The following BACH2 variants were observed in gnomAD, a reference collection of about 807,000 sequenced individuals.
BACH2 encodes transcription regulator protein BACH2.
A neutral mutation model predicts 61.8 loss-of-function variants in BACH2; 5 were observed. The observed-to-expected ratio is 0.08, with a 90% CI of 0.04 to 0.17. BACH2 has a LOEUF of 0.17. Ranked by LOEUF, BACH2 falls within the 10% of genes least tolerant of loss-of-function variation. The probability of loss-of-function intolerance (pLI) is 1.00; values close to 1 mark genes in which losing one functional copy is unlikely to be tolerated. For missense variants in BACH2, 824 were observed against 1,091.1 expected (o/e 0.76, Z 3.45); for synonymous variants, 446 against 440.1 (o/e 1.01, Z -0.17).
At chr6:90,124,281 C>G (rs775130721) in intron 4 of BACH2, among the ~76,000 whole-genome samples, 5 of 152,176 alleles carry the variant, frequency 3.3e-5, no homozygotes, top group Non-Finnish European at 7.3e-5. Context: ...AAGCTTGATA[C>G]AGATGCATTA....
intron 4 of BACH2, among the ~76,000 whole-genome samples, chr6:90,190,362 G>A (rs1458926733): frequency 6.6e-6 from 1 of 152,174 alleles, no homozygotes; most frequent in Non-Finnish European, 1.5e-5. Flanking sequence ...ATTCAGGCCT[G>A]AAAAAATGTT....
chr6:90,287,752 T>C (rs764418677), intron 1 of BACH2, among the ~76,000 whole-genome samples: 6 of 152,244 alleles, frequency 3.9e-5, no homozygotes, highest in Non-Finnish European at 7.3e-5. Context: ...CGAAATTCTA[T>C]TGTTTTTATC....
rs114539363 is a variant in BACH2, at chr6:90,170,814, A to C, written c.-162+35755T>G. 7.6e-3 allele frequency among the ~76,000 whole-genome samples: 1,160 copies of C among 152,312 alleles called. 19 individuals carry two copies. Among genetic ancestry groups the C allele is most frequent in the African/African-American group, 0.026 (1,091 of 41,564 alleles). On this transcript the variant is annotated intron_variant, in intron 4 of 8. Transcript: ENST00000257749. ...ATGCCTAAAAATGCTGAGTACTAAAAATATTTTTAAAGATATGGCTAAGCA... is the reference window on the plus strand; with the variant it reads ...ATGCCTAAAAATGCTGAGTACTAAACATATTTTTAAAGATATGGCTAAGCA...
Position 89,930,228 on chromosome 6 carries a change from CTTTTTTTTTTTT to C in BACH2, c.*2168_*2179del, listed in dbSNP as rs397885211. ...AGTGGAACTGTTTAAAAAGAAAAGC[CTTTTTTTTTTTT>C]TTTTTTTTTTTTTTATCCTACTGCA... On this transcript the variant is annotated 3_prime_UTR_variant, in exon 9 of 9. Transcript: ENST00000257749. 1.7e-4 allele frequency: 9 copies of C among 53,426 alleles called. No homozygotes were observed. Among genetic ancestry groups the C allele is most frequent in the South Asian group, 1.6e-3 (2 of 1,266 alleles). The allele number at this position is 53,426 out of a possible 1,614,324, so 3.3% of individuals were successfully genotyped here.
At chr6:90,127,627 G>A (rs1309597944) in intron 4 of BACH2, among the ~76,000 whole-genome samples, 1 of 152,192 alleles carries the variant, frequency 6.6e-6, no homozygotes, top group Non-Finnish European at 1.5e-5. Context: ...TAAAAAATCA[G>A]AAAGAATGTA....
chr6:90,028,834 A>G (rs1254247481), intron 5 of BACH2, among the ~76,000 whole-genome samples: 1 of 152,234 alleles, frequency 6.6e-6, no homozygotes, highest in Non-Finnish European at 1.5e-5. Context: ...AACCTTGCAC[A>G]AGACACTTAA....
intron 7 of BACH2, among the ~76,000 whole-genome samples, chr6:89,942,357 G>A (rs986620254): frequency 7.2e-5 from 11 of 152,164 alleles, no homozygotes; most frequent in Non-Finnish European, 1.5e-4. Context: ...TCCTCAAATG[G>A]GGCTGAGGAG....
At chr6:90,048,581 G>C (rs893404198) in intron 5 of BACH2, among the ~76,000 whole-genome samples, 1 of 152,148 alleles carries the variant, frequency 6.6e-6, no homozygotes, top group African/African-American at 2.4e-5. Flanking sequence ...GAAATATAAT[G>C]GTTTCTTGGG....
chr6:90,174,791 T>G (rs1767933495), intron 4 of BACH2, among the ~76,000 whole-genome samples: 1 of 152,054 alleles, frequency 6.6e-6, no homozygotes, highest in Admixed American at 6.5e-5. Flanking sequence ...AACATTGTGT[T>G]TTGTGGGGAG....
At chr6:90,213,034 A>C (rs1307102856) in intron 3 of BACH2, among the ~76,000 whole-genome samples, 2 of 152,208 alleles carry the variant, frequency 1.3e-5, no homozygotes, top group African/African-American at 4.8e-5. Context: ...CTCAATTTAA[A>C]GGCACAACAC....
At chr6:89,943,286 G>C (rs1773544285) in intron 7 of BACH2, among the ~76,000 whole-genome samples, 1 of 152,140 alleles carries the variant, frequency 6.6e-6, no homozygotes, top group Non-Finnish European at 1.5e-5. Context: ...GAATGCCGGT[G>C]CTTCCTTCTC....
At chr6:90,044,779 T>C (rs923656280) in intron 5 of BACH2, among the ~76,000 whole-genome samples, 1 of 152,098 alleles carries the variant, frequency 6.6e-6, no homozygotes, top group African/African-American at 2.4e-5. Context: ...GCACCAAGGA[T>C]TTCAGCTTAA....
intron 1 of BACH2, among the ~76,000 whole-genome samples, chr6:90,295,814 G>C (rs1265031102): frequency 1.3e-5 from 2 of 152,104 alleles, no homozygotes; most frequent in Non-Finnish European, 2.9e-5. Context: ...GGAGAGATTC[G>C]ATCCAGGTCT....
intron 4 of BACH2, among the ~76,000 whole-genome samples, chr6:90,179,216 T>C (rs1554255321): frequency 6.7e-6 from 1 of 148,606 alleles, no homozygotes; most frequent in Admixed American, 6.7e-5. Flanking sequence ...TTCTATAAAT[T>C]AAAAAAAAAA....
chr6:90,255,457 C>T (rs1333531719), intron 2 of BACH2, among the ~76,000 whole-genome samples: 3 of 152,094 alleles, frequency 2.0e-5, no homozygotes, highest in Non-Finnish European at 2.9e-5. Context: ...CAAAGAGTGT[C>T]AGGAAGACAG....
intron 4 of BACH2, among the ~76,000 whole-genome samples, chr6:90,113,649 C>G (rs1386873000): frequency 6.6e-6 from 1 of 151,224 alleles, no homozygotes; most frequent in Non-Finnish European, 1.5e-5. Context: ...AGAACAACCC[C>G]AAAGCTAGCA....
chr6:90,273,210 T>C (rs1221497227), intron 1 of BACH2, among the ~76,000 whole-genome samples: 1 of 148,698 alleles, frequency 6.7e-6, no homozygotes, highest in East Asian at 2.3e-4. Flanking sequence ...GAAAAAAAAT[T>C]AGCCAGGCAT....
intron 4 of BACH2, among the ~76,000 whole-genome samples, chr6:90,194,192 A>C (rs7449853): frequency 6.6e-6 from 1 of 152,136 alleles, no homozygotes; most frequent in African/African-American, 2.4e-5. Flanking sequence ...AGTTCTCAAT[A>C]TTTTTATAAT....
chr6:90,275,325 G>T (rs181845698), intron 1 of BACH2, among the ~76,000 whole-genome samples: 1 of 152,068 alleles, frequency 6.6e-6, no homozygotes, highest in Non-Finnish European at 1.5e-5. Context: ...CTTCAAATAT[G>T]ACTTGAAAAT....
Sources: gnomAD v4.1 joint callset for allele counts (sites outside exome capture counted in the v4.1 genomes callset) on GRCh38, gnomAD v4.1.1 for gene constraint, MANE v1.5 for transcripts, NCBI Gene and HGNC (gene_info 2026-07-23, HGNC 2026-07-21) for gene names.